NSD1: variants seen among roughly 807,000 people sequenced by gnomAD.
The protein encoded by NSD1 is nuclear receptor binding SET domain protein 1.
In NSD1, 26 loss-of-function variants were observed where a neutral mutation model predicts 242.7. That is an observed-to-expected ratio of 0.11 (90% CI 0.08 to 0.15). The LOEUF is 0.15. Ranked by LOEUF, NSD1 falls within the 10% of genes least tolerant of loss-of-function variation. The pLI, the probability that NSD1 is intolerant of heterozygous loss-of-function variation, is 1.00. For missense variants in NSD1, 2,495 were observed against 3,272.8 expected (o/e 0.76, Z 5.80); for synonymous variants, 1,106 against 1,178.1 (o/e 0.94, Z 1.25).
intron 14 of NSD1, among the ~76,000 whole-genome samples, chr5:177,263,904 C>T (rs1757191749): frequency 6.6e-6 from 1 of 151,984 alleles, no homozygotes; most frequent in Admixed American, 6.6e-5. Context: ...AAACTATTGT[C>T]TGCTACCTTC....
At chr5:177,144,236 T>C (rs926597511) in intron 2 of NSD1, among the ~76,000 whole-genome samples, 6 of 152,052 alleles carry the variant, frequency 3.9e-5, no homozygotes, top group Admixed American at 1.3e-4. Flanking sequence ...TTTTTTTTCT[T>C]TCTGAGACAG....
At chr5:177,249,108 A>G (rs1334887906) in intron 11 of NSD1, among the ~76,000 whole-genome samples, 1 of 152,200 alleles carries the variant, frequency 6.6e-6, no homozygotes, top group East Asian at 1.9e-4. Flanking sequence ...AGTAGAGTCA[A>G]TGACCATTTG....
chr5:177,262,060 TCA>T (rs1757037743), intron 14 of NSD1, among the ~76,000 whole-genome samples: 1 of 152,186 alleles, frequency 6.6e-6, no homozygotes, highest in African/African-American at 2.4e-5. Context: ...CTATTCCCTA[TCA>T]CACAGTCATA....
intron 9 of NSD1, among the ~76,000 whole-genome samples, chr5:177,246,429 A>C (rs912539601): frequency 6.6e-6 from 1 of 152,218 alleles, no homozygotes; most frequent in East Asian, 1.9e-4. Context: ...CATATAAATT[A>C]AAATTTCTGT....
rs185536245 is a variant in NSD1 at position 177,270,797 on chromosome 5, C to T, written c.5509+990C>T. Among the ~76,000 whole-genome samples, 8 of 152,320 alleles carry T rather than the reference C, an allele frequency of 5.3e-5. 1 individual carries two copies. Among genetic ancestry groups the T allele is most frequent in the Admixed American group, 2.6e-4 (4 of 15,292 alleles). On this transcript the variant is annotated intron_variant, in intron 16 of 22. Coordinates refer to ENST00000439151, the MANE Select transcript of NSD1 (RefSeq NM_022455.5). ...TAATGTCGATAGGGAACAAGTTTAACAAAGGTTCTGTTTGCCACATGTTAT... is the reference window on the plus strand; with the variant it reads ...TAATGTCGATAGGGAACAAGTTTAATAAAGGTTCTGTTTGCCACATGTTAT...
chr5:177,154,426 G>A (rs375672284), intron 2 of NSD1, among the ~76,000 whole-genome samples: 3 of 152,086 alleles, frequency 2.0e-5, no homozygotes, highest in Non-Finnish European at 4.4e-5. Context: ...ATAGACATTC[G>A]TTAGTTTTTA....
upstream of NSD1, among the ~76,000 whole-genome samples, chr5:177,132,163 C>T (rs1755926836): frequency 6.6e-6 from 1 of 152,102 alleles, no homozygotes; most frequent in Non-Finnish European, 1.5e-5. The surrounding 1 kb of genome is among the most constrained non-coding windows in gnomAD (Gnocchi z 7.5). Flanking sequence ...GCGGGCTTGT[C>T]CCGGCCAGCC....
rs1337830691 is a variant in NSD1 at position 177,295,266 on chromosome 5, G to A, written c.7898G>A (p.Arg2633Gln). 5 of 1,614,202 alleles carry A rather than the reference G, an allele frequency of 3.1e-6. No individual in the cohort carries two copies. The highest frequency in any genetic ancestry group is 1.1e-5 in the South Asian group (1 of 91,088). Residue 2633 changes from arginine to glutamine, a missense_variant, in exon 23 of 23, where the codon CGG (arginine) becomes CAG (glutamine). Arg to Gln is a conservative substitution (Grantham distance 43). Around this residue, in one of 19 missense-constraint regions of NSD1, gnomAD observed 475 missense variants for 563.7 expected, o/e 0.84. Coordinates refer to ENST00000439151, the MANE Select transcript of NSD1 (RefSeq NM_022455.5). The surrounding 1 kb of genome is among the most constrained non-coding windows in gnomAD (Gnocchi z 4.3). ...TGGGCCCTGGGAAAAGCCTCATCAC[G>A]GGCAGGGCTCTGGCCCATAGTGGCT... ...SPWALGKASS[R>Q]AGLWPIVAGQ...
In NSD1 at chr5:177,191,857, G is replaced by A. The variant is rs765603214; in HGVS notation, c.928-27G>A. ...GTTTCAAAATATTTTGATTCTTATT[G>A]ATGCCCCATGTTTTGTCTGTCTAAA... On this transcript the variant is annotated intron_variant, in intron 2 of 22. Coordinates refer to ENST00000439151, the MANE Select transcript of NSD1 (RefSeq NM_022455.5). 1.9e-6 allele frequency: 3 copies of A among 1,612,170 alleles called. No homozygotes were observed. The South Asian group carries it at 3.3e-5, about 18-fold the overall frequency.
chr5:177,257,705 G>C (rs963544701), intron 13 of NSD1, among the ~76,000 whole-genome samples: 1 of 152,022 alleles, frequency 6.6e-6, no homozygotes, highest in African/African-American at 2.4e-5. Context: ...CGTGTGGTAG[G>C]GTATTAAATA....
At chr5:177,152,636 G>C (rs1354278180) in intron 2 of NSD1, among the ~76,000 whole-genome samples, 7 of 151,580 alleles carry the variant, frequency 4.6e-5, no homozygotes, top group Non-Finnish European at 1.0e-4. Flanking sequence ...TGTATTTTTA[G>C]TAGAGATGGG....
intron 17 of NSD1, among the ~76,000 whole-genome samples, chr5:177,280,221 C>T (rs926824867): frequency 6.6e-6 from 1 of 151,756 alleles, no homozygotes; most frequent in Non-Finnish European, 1.5e-5. Context: ...TCGTAATCCA[C>T]CTGCCTCGGC....
intron 5 of NSD1, among the ~76,000 whole-genome samples, chr5:177,231,620 C>T (rs1765064287): frequency 6.6e-6 from 1 of 151,982 alleles, no homozygotes; most frequent in Admixed American, 6.6e-5. Flanking sequence ...GGGGTTTTTC[C>T]ATGTTCACAG....
chr5:177,236,416 A>G (rs950463698), intron 6 of NSD1, among the ~76,000 whole-genome samples: 3 of 152,206 alleles, frequency 2.0e-5, no homozygotes, highest in African/African-American at 7.2e-5. Context: ...TACATCTTAT[A>G]TAAGATCTGT....
At chr5:177,284,421 G>A (rs764389452) in intron 20 of NSD1, among the ~76,000 whole-genome samples, 72 of 151,452 alleles carry the variant, frequency 4.8e-4, no homozygotes, top group Admixed American at 1.2e-3. Flanking sequence ...AGGGCTATAG[G>A]CACATGTCCC....
intron 2 of NSD1, chr5:177,136,911 C>T (rs1460150422): frequency 4.3e-6 from 3 of 701,238 alleles, no homozygotes; most frequent in Non-Finnish European, 7.8e-6. Context: ...GGCGTCGGGA[C>T]TCCTGGGCTC....
chr5:177,134,956 G>A lies in NSD1; in HGVS notation c.-17-131G>A, dbSNP rs1182444934. The A allele has an allele frequency of 2.7e-6, 2 of 753,128 alleles. No individual in the cohort carries two copies. Among genetic ancestry groups the A allele is most frequent in the African/African-American group, 1.8e-5 (1 of 57,088 alleles). 46.7% of individuals were successfully genotyped at this position (753,128 alleles called of 1,614,324 possible). ...GCCATTTTTTCATCTCCAGTCGGGGGAACTTTTTCTGCCCATGGAAGTGCA... is the reference window on the plus strand; with the variant it reads ...GCCATTTTTTCATCTCCAGTCGGGGAAACTTTTTCTGCCCATGGAAGTGCA... On this transcript the variant is annotated intron_variant, in intron 1 of 22. Coordinates refer to ENST00000439151, the MANE Select transcript of NSD1 (RefSeq NM_022455.5). The surrounding 1 kb of genome is among the most constrained non-coding windows in gnomAD (Gnocchi z 4.2).
At chr5:177,271,831 GT>G (rs1286762777) in intron 16 of NSD1, among the ~76,000 whole-genome samples, 1 of 152,144 alleles carries the variant, frequency 6.6e-6, no homozygotes, top group African/African-American at 2.4e-5. Context: ...TGAGATGGCT[GT>G]TTTAAGTAGT....
At chr5:177,254,256 A>G (rs979749641) in intron 12 of NSD1, among the ~76,000 whole-genome samples, 5 of 152,014 alleles carry the variant, frequency 3.3e-5, no homozygotes, top group Non-Finnish European at 7.4e-5. Flanking sequence ...CAACTTTTTC[A>G]TATTCTTAGT....
Sources: allele counts gnomAD v4.1 joint callset (sites outside exome capture counted in the v4.1 genomes callset), GRCh38; gene constraint gnomAD v4.1.1; regional missense constraint gnomAD v4.1.1; non-coding constraint Gnocchi (gnomAD v3.1); transcripts MANE v1.5; gene names NCBI Gene and HGNC (gene_info 2026-07-23, HGNC 2026-07-21).